Variants in SLC35D4 observed in about 807,000 individuals in gnomAD.
The protein encoded by SLC35D4 is UDP-N-acetylglucosamine transporter SLC35D4.
the SLC35D4 span, among the ~76,000 whole-genome samples, chr18:23,431,184 GA>G: frequency 8.1e-6 from 1 of 123,762 alleles, no homozygotes; most frequent in South Asian, 2.7e-4. Flanking sequence ...AAAAAGTAAA[GA>G]AAAAGAAAAG....
chr18:23,286,708 G>A, the SLC35D4 span, among the ~76,000 whole-genome samples: 20,359 of 150,808 alleles, frequency 0.13, 1,258 homozygotes, highest in Middle Eastern at 0.26. Context: ...AGGTATTGAC[G>A]GCCAGGCTTC....
the SLC35D4 span, chr18:23,259,899 C>A: frequency 1.4e-4 from 22 of 152,400 alleles, no homozygotes; most frequent in African/African-American, 5.3e-4. Context: ...CCTCTCCAGT[C>A]CTCCCCACAC....
At chr18:23,254,832 A>G in the SLC35D4 span, among the ~76,000 whole-genome samples, 2 of 152,314 alleles carry the variant, frequency 1.3e-5, no homozygotes, top group Admixed American at 6.5e-5. Flanking sequence ...CCATCTCCTA[A>G]TACCATCACA....
the SLC35D4 span, among the ~76,000 whole-genome samples, chr18:23,246,343 T>G: frequency 1.3e-5 from 2 of 151,756 alleles, no homozygotes; most frequent in Non-Finnish European, 2.9e-5. Context: ...ATTAGCACTT[T>G]GATTTACAGT....
the SLC35D4 span, among the ~76,000 whole-genome samples, chr18:23,408,102 C>T: frequency 6.6e-6 from 1 of 151,342 alleles, no homozygotes; most frequent in Admixed American, 6.6e-5. Flanking sequence ...TCTGTGAGTC[C>T]TTCTTACCCA....
the SLC35D4 span, chr18:23,377,091 A>G: frequency 4.8e-6 from 2 of 415,100 alleles, no homozygotes; most frequent in South Asian, 3.5e-5. Context: ...AGCGGGAAGC[A>G]GTCAGATGCA....
the SLC35D4 span, chr18:23,356,725 T>C: frequency 7.2e-6 from 11 of 1,525,560 alleles, no homozygotes; most frequent in African/African-American, 2.7e-5. The surrounding 1 kb of genome is among the most constrained non-coding windows in gnomAD (Gnocchi z 4.1). Context: ...CTCTGCCCCA[T>C]TGCCCCAGGA....
the SLC35D4 span, among the ~76,000 whole-genome samples, chr18:23,243,234 C>G: frequency 6.6e-6 from 1 of 152,010 alleles, no homozygotes; most frequent in African/African-American, 2.4e-5. Context: ...TTATTCAGTT[C>G]TGAGGAGGGG....
At chr18:23,370,335 C>A in the SLC35D4 span, 1 of 1,482,746 alleles carries the variant, frequency 6.7e-7, no homozygotes, top group South Asian at 1.2e-5. Context: ...CGGGGACACA[C>A]AAAATCCACA....
At chr18:23,416,127 C>T in the SLC35D4 span, among the ~76,000 whole-genome samples, 1 of 152,202 alleles carries the variant, frequency 6.6e-6, no homozygotes, top group Non-Finnish European at 1.5e-5. Context: ...AGGAGAATTG[C>T]TTGAACCCGG....
chr18:23,314,244 G>C, the SLC35D4 span, among the ~76,000 whole-genome samples: 44 of 152,292 alleles, frequency 2.9e-4, no homozygotes, highest in African/African-American at 9.9e-4. Flanking sequence ...CGTGCAAAAG[G>C]CCTCATGCTC....
the SLC35D4 span, among the ~76,000 whole-genome samples, chr18:23,265,272 C>G: frequency 6.6e-6 from 1 of 152,084 alleles, no homozygotes; most frequent in Non-Finnish European, 1.5e-5. Flanking sequence ...ACGGCCCAGC[C>G]TCCACCCCAG....
At chr18:23,421,062 G>A in the SLC35D4 span, among the ~76,000 whole-genome samples, 2 of 151,738 alleles carry the variant, frequency 1.3e-5, no homozygotes, top group African/African-American at 4.8e-5. Flanking sequence ...TGGCCAACAT[G>A]GTGAAACCCC....
chr18:23,401,262 G>T, the SLC35D4 span, among the ~76,000 whole-genome samples: 1 of 152,128 alleles, frequency 6.6e-6, no homozygotes, highest in Non-Finnish European at 1.5e-5. Context: ...GGTCTGTCTG[G>T]CTCCAAAGCC....
chr18:23,264,341 C>T, the SLC35D4 span, among the ~76,000 whole-genome samples: 1 of 149,680 alleles, frequency 6.7e-6, no homozygotes, highest in African/African-American at 2.5e-5. Context: ...GGGAAGGTGC[C>T]ACACTTTATT....
the SLC35D4 span, among the ~76,000 whole-genome samples, chr18:23,353,168 AG>A: frequency 6.7e-6 from 1 of 149,894 alleles, no homozygotes; most frequent in African/African-American, 2.5e-5. Context: ...AATATGTGCA[AG>A]TGGTGGTTTG....
At chr18:23,341,013 ACT>A in the SLC35D4 span, among the ~76,000 whole-genome samples, 1 of 152,050 alleles carries the variant, frequency 6.6e-6, no homozygotes, top group Non-Finnish European at 1.5e-5. Flanking sequence ...AAAACTATAA[ACT>A]CACACACACC....
the SLC35D4 span, among the ~76,000 whole-genome samples, chr18:23,347,730 T>C: frequency 6.6e-6 from 1 of 152,216 alleles, no homozygotes; most frequent in African/African-American, 2.4e-5. Context: ...TGGCCTCTTT[T>C]CTCTTATTTT....
At chr18:23,328,522 G>A in the SLC35D4 span, among the ~76,000 whole-genome samples, 20 of 152,130 alleles carry the variant, frequency 1.3e-4, no homozygotes, top group Admixed American at 1.3e-3. Flanking sequence ...TCCTCAAGGA[G>A]AACTACATAC....
Sources: gnomAD v4.1 joint callset for allele counts (sites outside exome capture counted in the v4.1 genomes callset) on GRCh38, gnomAD v4.1.1 for gene constraint, Gnocchi (gnomAD v3.1) non-coding constraint, MANE v1.5 for transcripts, NCBI Gene and HGNC (gene_info 2026-07-23, HGNC 2026-07-21) for gene names.